The following BHMT2 variants were observed in gnomAD, a reference collection of about 807,000 sequenced individuals.
BHMT2 encodes the protein betaine--homocysteine S-methyltransferase 2.
A neutral mutation model predicts 39.0 loss-of-function variants in BHMT2; 28 were observed. The ratio of observed to expected loss-of-function variants is 0.72; its 90% CI spans 0.53 to 0.98. The LOEUF (loss-of-function observed/expected upper bound fraction) is 0.98. Ranked by LOEUF, BHMT2 falls within the 50% of genes least tolerant of loss-of-function variation. The pLI, the probability that BHMT2 is intolerant of heterozygous loss-of-function variation, is 0.00. For missense variants in BHMT2, 410 were observed against 455.6 expected, an observed-to-expected ratio of 0.90 and a Z score of 0.91; for synonymous variants, 145 against 160.6, an observed-to-expected ratio of 0.90 and a Z score of 0.74.
At chr5:79,083,986 T>C in intron 7 of BHMT2, 130 bp downstream of exon 7, 1 of 1,328,776 alleles carries the variant, frequency 7.5e-7, no homozygotes, top group South Asian at 1.6e-5. Context: ...ATTATCCCCT[T>C]CCTGATACCA....
Position 79,080,761 on chromosome 5 carries a change from G to A in BHMT2, c.333G>A (p.Gly111=), listed in dbSNP as rs1755771150. The change falls in exon 4 of 8, where the codon GGG becomes GGA. Residue 111 remains glycine, a synonymous_variant. Coordinates refer to ENST00000255192, the MANE Select transcript of BHMT2 (RefSeq NM_017614.5). Reference sequence around the variant, plus strand: ...GCAAAGGTGATGCTTTGGTAGCAGGGGGGATCTGCCAGACATCAATATACA... The same window carrying A: ...GCAAAGGTGATGCTTTGGTAGCAGGAGGGATCTGCCAGACATCAATATACA... ...VAGKGDALVA[G]GICQTSIYKY... The A allele has an allele frequency of 1.2e-6, 2 of 1,605,052 alleles. No homozygotes were observed. Among genetic ancestry groups the A allele is most frequent in the Admixed American group, 1.7e-5 (1 of 57,924 alleles).
intron 1 of BHMT2, among the ~76,000 whole-genome samples, chr5:79,070,707 T>C (rs1461980815): frequency 6.6e-6 from 1 of 152,110 alleles, no homozygotes; most frequent in East Asian, 1.9e-4. Flanking sequence ...CAATACGGGA[T>C]TCTAAATAAA....
intron 4 of BHMT2, 141 bp downstream of exon 4, chr5:79,081,019 G>A (rs1561241433): frequency 2.6e-6 from 2 of 759,986 alleles, no homozygotes; most frequent in Non-Finnish European, 4.0e-6. Flanking sequence ...TAAATGCATG[G>A]TAGTCAAGGC....
At chr5:79,071,113 T>C (rs1247360110) in intron 1 of BHMT2, 1 of 152,228 alleles carries the variant, frequency 6.6e-6, no homozygotes, top group Non-Finnish European at 1.5e-5. Context: ...GCCTCTACTG[T>C]TACAACACCA....
intron 7 of BHMT2, among the ~76,000 whole-genome samples, chr5:79,084,103 A>G (rs371429433): frequency 1.4e-4 from 22 of 152,274 alleles, no homozygotes; most frequent in African/African-American, 4.6e-4. Flanking sequence ...TGGAGACTGC[A>G]AAGTCCAAGA....
At chr5:79,079,787 G>A (rs1333451116) in intron 3 of BHMT2, among the ~76,000 whole-genome samples, 2 of 152,078 alleles carry the variant, frequency 1.3e-5, no homozygotes, top group African/African-American at 4.8e-5. Flanking sequence ...TCCCAGCTAC[G>A]CAGGAGGTTG....
chr5:79,088,398 G>GTT, intron 7 of BHMT2, 95 bp from the exon 8 acceptor site: 2 of 609,764 alleles, frequency 3.3e-6, no homozygotes, highest in Non-Finnish European at 2.8e-6. Context: ...GTGTGTGTGT[G>GTT]GTTATATACA....
rs556752563 is a variant in BHMT2, at chr5:79,083,949, T to C, written c.1010+93T>C. The C allele has an allele frequency of 2.3e-5, 33 of 1,459,116 alleles. No individual in the cohort carries two copies. The South Asian group carries it at 2.8e-4, about 12-fold the overall frequency. 90.4% of individuals were successfully genotyped at this position (1,459,116 alleles called of 1,614,324 possible). On this transcript the variant is annotated intron_variant, in intron 7 of 7. Transcript: ENST00000255192. ...TCATGCATGCACATGACAAAAAGTA[T>C]AGAAATGTATAAAGTGAAAAGTAAA...
chr5:79,069,877 T>G (rs1229413054), intron 1 of BHMT2, 62 bp downstream of exon 1: 2 of 1,323,902 alleles, frequency 1.5e-6, no homozygotes, highest in Non-Finnish European at 1.9e-6. Context: ...GCGACTCCGT[T>G]CACACCCGGC....
rs1379842616 is a variant in BHMT2 at position 79,080,744 on chromosome 5, G to A, written c.316G>A (p.Asp106Asn). Residue 106 changes from aspartate to asparagine, a missense_variant, in exon 4 of 8, where the codon GAT becomes AAT. Asp to Asn is a conservative substitution (Grantham distance 23). Coordinates refer to ENST00000255192, the MANE Select transcript of BHMT2 (RefSeq NM_017614.5). ...DLAREVAGKG[D>N]ALVAGGICQT... ...CGCCAGGGAAGTGGCTGGCAAAGGTGATGCTTTGGTAGCAGGGGGGATCTG... is the reference window on the plus strand; with the variant it reads ...CGCCAGGGAAGTGGCTGGCAAAGGTAATGCTTTGGTAGCAGGGGGGATCTG... 3 of 1,603,764 alleles carry A rather than the reference G, an allele frequency of 1.9e-6. No individual in the cohort carries two copies. The highest frequency in any genetic ancestry group is 2.7e-5 in the African/African-American group (2 of 74,206).
In BHMT2 at chr5:79,088,817, C is replaced by T; in HGVS notation, c.*243C>T. ...AGAGAAGCGAGAGAGGCACCTTGTT[C>T]TCCAAGAACTTACTGTCCAATCATG... On this transcript the variant is annotated 3_prime_UTR_variant, in exon 8 of 8. Transcript: ENST00000255192. The T allele has an allele frequency of 2.7e-6, 1 of 364,198 alleles. No homozygotes were observed. The highest frequency in any genetic ancestry group is 5.1e-6 in the Non-Finnish European group (1 of 197,510). The allele number at this position is 364,198 out of a possible 1,614,324, so 22.6% of individuals were successfully genotyped here.
chr5:79,086,197 A>T (rs923470328), intron 7 of BHMT2, among the ~76,000 whole-genome samples: 7 of 152,132 alleles, frequency 4.6e-5, no homozygotes, highest in African/African-American at 1.7e-4. Flanking sequence ...GCCAGATTTT[A>T]GATAGTTCAG....
intron 1 of BHMT2, among the ~76,000 whole-genome samples, chr5:79,073,138 A>G (rs943906253): frequency 4.0e-5 from 6 of 151,758 alleles, no homozygotes; most frequent in African/African-American, 1.5e-4. Context: ...TAATTTTTGT[A>G]TTTTTAGTAG....
chr5:79,088,586 A>C lies in BHMT2; in HGVS notation c.*12A>C. 1 of 1,611,636 alleles carries C rather than the reference A, an allele frequency of 6.2e-7. No homozygotes were observed. The highest frequency in any genetic ancestry group is 8.5e-7 in the Non-Finnish European group (1 of 1,178,662). On this transcript the variant is annotated 3_prime_UTR_variant, in exon 8 of 8. Coordinates refer to ENST00000255192, the MANE Select transcript of BHMT2 (RefSeq NM_017614.5). ...AGCCAGACTTCTAAGGAGTAGTGAA[A>C]GAAAACCCTGAAATAATCGAACAGG...
intron 7 of BHMT2, among the ~76,000 whole-genome samples, chr5:79,088,052 C>T (rs1243464692): frequency 3.9e-5 from 6 of 151,952 alleles, no homozygotes; most frequent in African/African-American, 1.5e-4. Context: ...TGGTGGTGCA[C>T]GCCAGTAGTC....
chr5:79,082,134 A>G (rs1755799946), intron 4 of BHMT2, among the ~76,000 whole-genome samples: 1 of 152,198 alleles, frequency 6.6e-6, no homozygotes, highest in African/African-American at 2.4e-5. Flanking sequence ...AAGAAACAGG[A>G]AGATTTCTGG....
rs368547794 is a variant in BHMT2 at position 79,083,811 on chromosome 5, G to A, written c.965G>A (p.Trp322Ter). The change falls in exon 7 of 8, where the codon TGG (tryptophan) becomes TAG (stop). Residue 322 changes from tryptophan to a stop codon, truncating the protein, a stop_gained. Coordinates refer to ENST00000255192, the MANE Select transcript of BHMT2 (RefSeq NM_017614.5). LOFTEE classifies it high-confidence loss of function. Reference sequence around the variant, plus strand: ...CCAGCTTCAGAAAAACACGGCAGCTGGGGAAGTGGTTTGGACATGCACACC... The same window carrying A: ...CCAGCTTCAGAAAAACACGGCAGCTAGGGAAGTGGTTTGGACATGCACACC... Reference protein sequence around the residue: ...LPPASEKHGSWGSGLDMHTKP... With the variant: ...LPPASEKHGS 3 of 1,614,144 alleles carry A rather than the reference G, an allele frequency of 1.9e-6. No individual in the cohort carries two copies. The highest frequency in any genetic ancestry group is 2.2e-5 in the East Asian group (1 of 44,884).
At chr5:79,083,877 A>C in intron 7 of BHMT2, 21 bp downstream of exon 7, 1 of 1,586,828 alleles carries the variant, frequency 6.3e-7, no homozygotes, top group Non-Finnish European at 8.6e-7. Context: ...TTAAATTAAC[A>C]TTCTTATTAT....
intron 1 of BHMT2, among the ~76,000 whole-genome samples, chr5:79,073,032 C>G (rs1451765987): frequency 1.3e-5 from 2 of 149,926 alleles, no homozygotes; most frequent in African/African-American, 4.9e-5. Flanking sequence ...GGCACAATCT[C>G]AACTCACTGT....
Sources: gnomAD v4.1 joint callset for allele counts (sites outside exome capture counted in the v4.1 genomes callset) on GRCh38, gnomAD v4.1.1 for gene constraint, MANE v1.5 for transcripts, NCBI Gene and HGNC (gene_info 2026-07-23, HGNC 2026-07-21) for gene names.